Variants in ERO1A observed in about 807,000 individuals in gnomAD.
ERO1A encodes ERO1-like protein alpha.
Under a neutral mutation model 76.9 loss-of-function variants are expected in ERO1A, and 49 were observed. The ratio of observed to expected loss-of-function variants is 0.64; its 90% CI spans 0.51 to 0.81. The LOEUF (loss-of-function observed/expected upper bound fraction) is 0.81, where lower values mean the gene tolerates loss of function less well. ERO1A is among the 30% of genes least tolerant of loss of function. ERO1A has a pLI of 0.00. For synonymous variants in ERO1A, 174 were observed against 181.2 expected (o/e 0.96, Z 0.32); for missense variants, 448 against 542.1 (o/e 0.83, Z 1.72).
chr14:52,662,363 T>G (rs2040259058), intron 8 of ERO1A, among the ~76,000 whole-genome samples: 1 of 152,216 alleles, frequency 6.6e-6, no homozygotes, highest in Admixed American at 6.5e-5. Flanking sequence ...TTTAAAGATT[T>G]TTCATTCCTA....
At position 52,646,215 on chromosome 14, in the gene ERO1A, G is replaced by A. The variant is rs1472131472; in HGVS notation, c.1285C>T (p.Pro429Ser). ...CTGGTTAGATGGAATTCATAACTAG[G>A]TCCACTTTCTGGCATATTTGCTATC... Reference protein sequence around the residue: ...KLIANMPESGPSYEFHLTRQE... With the variant: ...KLIANMPESGSSYEFHLTRQE... Residue 429 changes from proline to serine, a missense_variant, in exon 15 of 16, where the codon CCT (proline) becomes TCT (serine). Around this residue, in one of 2 missense-constraint regions of ERO1A, gnomAD observed 302 missense variants for 411.9 expected, o/e 0.73. Transcript: ENST00000395686. The A allele has an allele frequency of 6.2e-7, 1 of 1,613,542 alleles. No homozygotes were observed. The highest frequency in any genetic ancestry group is 1.1e-5 in the South Asian group (1 of 91,014).
intron 15 of ERO1A, among the ~76,000 whole-genome samples, chr14:52,645,451 C>A (rs1055839786): frequency 6.6e-6 from 1 of 151,574 alleles, no homozygotes; most frequent in African/African-American, 2.4e-5. Flanking sequence ...CACAGGCATG[C>A]TCCACCATGC....
At chr14:52,682,885 G>A (rs2041046797) in intron 2 of ERO1A, among the ~76,000 whole-genome samples, 1 of 151,470 alleles carries the variant, frequency 6.6e-6, no homozygotes, top group Non-Finnish European at 1.5e-5. Flanking sequence ...GATGACAAGA[G>A]CAAGACTTTG....
chr14:52,660,910 C>T (rs571935442), intron 9 of ERO1A, among the ~76,000 whole-genome samples: 98 of 152,204 alleles, frequency 6.4e-4, no homozygotes, highest in Non-Finnish European at 1.2e-3. Context: ...TAGAAGCCAG[C>T]TCTGAAATCA....
chr14:52,655,902 AT>A (rs575955577), intron 11 of ERO1A, among the ~76,000 whole-genome samples: 186 of 152,284 alleles, frequency 1.2e-3, no homozygotes, highest in Non-Finnish European at 2.4e-3. Flanking sequence ...CAATAAATGT[AT>A]ATTTATTTTG....
rs1342567899 is a variant in ERO1A at position 52,640,617 on chromosome 14, A to G, written c.*2953T>C. The G allele has an allele frequency of 1.3e-5, 2 of 152,234 alleles. No homozygotes were observed. Among genetic ancestry groups the G allele is most frequent in the East Asian group, 1.9e-4 (1 of 5,198 alleles). 9.4% of individuals were successfully genotyped at this position (152,234 alleles called of 1,614,324 possible). On this transcript the variant is annotated 3_prime_UTR_variant, in exon 16 of 16. Transcript: ENST00000395686. ...AACATTGAGCAACAGAGAGGAGACC[A>G]GCTAGGTATAGGAGGCAGGTTAGTA... is the stretch of plus-strand genomic sequence containing the variant.
chr14:52,658,066 A>C, intron 10 of ERO1A, 57 bp from the exon 11 acceptor site: 4 of 1,503,106 alleles, frequency 2.7e-6, no homozygotes, highest in Non-Finnish European at 3.7e-6. Context: ...TGTAGACATA[A>C]AATTAATCTC....
chr14:52,661,761 T>A (rs567205230), intron 8 of ERO1A, among the ~76,000 whole-genome samples: 52 of 152,138 alleles, frequency 3.4e-4, no homozygotes, highest in Non-Finnish European at 6.6e-4. Context: ...TCGGGAATAT[T>A]TTCATAGACT....
At chr14:52,689,227 T>C (rs527341772) in intron 1 of ERO1A, among the ~76,000 whole-genome samples, 1 of 152,250 alleles carries the variant, frequency 6.6e-6, no homozygotes, top group Non-Finnish European at 1.5e-5. Context: ...GTGCTGGGAT[T>C]ACAGGCATGA....
At chr14:52,687,973 A>G (rs6572856) in intron 1 of ERO1A, among the ~76,000 whole-genome samples, 1 of 152,064 alleles carries the variant, frequency 6.6e-6, no homozygotes, top group Non-Finnish European at 1.5e-5. Flanking sequence ...GTTGCTTGAG[A>G]ACAGGAATTT....
chr14:52,642,987 C>T lies in ERO1A; in HGVS notation c.*583G>A, dbSNP rs745634490. 6.6e-6 allele frequency: 1 copy of T among 152,484 alleles called. No homozygotes were observed. Among genetic ancestry groups the T allele is most frequent in the Non-Finnish European group, 1.5e-5 (1 of 68,002 alleles). 9.4% of individuals were successfully genotyped at this position (152,484 alleles called of 1,614,324 possible). On this transcript the variant is annotated 3_prime_UTR_variant, in exon 16 of 16. Transcript: ENST00000395686. ...GGATTGCCAGATAAAATACAAGACTCCCAGTTAAATTTGAATTTCAAACAA... is the reference window on the plus strand; with the variant it reads ...GGATTGCCAGATAAAATACAAGACTTCCAGTTAAATTTGAATTTCAAACAA...
intron 15 of ERO1A, among the ~76,000 whole-genome samples, chr14:52,644,825 A>G (rs1254398713): frequency 1.3e-5 from 2 of 152,136 alleles, no homozygotes; most frequent in Non-Finnish European, 2.9e-5. Context: ...CTCGATCATG[A>G]AAAAAACAGA....
At chr14:52,668,247 A>C (rs1327825509) in intron 6 of ERO1A, among the ~76,000 whole-genome samples, 6 of 152,218 alleles carry the variant, frequency 3.9e-5, no homozygotes, top group Non-Finnish European at 7.3e-5. Context: ...CCTGATGTTT[A>C]AAATATATAA....
chr14:52,651,989 C>CTTT (rs78451217), intron 13 of ERO1A, among the ~76,000 whole-genome samples: 27 of 133,852 alleles, frequency 2.0e-4, no homozygotes, highest in African/African-American at 7.6e-4. Flanking sequence ...CTACTCTCTA[C>CTTT]TTTTTTTTTT....
chr14:52,672,795 A>C (rs2040651266), intron 4 of ERO1A, among the ~76,000 whole-genome samples: 1 of 145,946 alleles, frequency 6.9e-6, no homozygotes, highest in Non-Finnish European at 1.5e-5. Flanking sequence ...AAAAAAAAAC[A>C]AAAAACAAAC....
intron 1 of ERO1A, among the ~76,000 whole-genome samples, chr14:52,689,775 G>GA (rs887824004): frequency 5.3e-5 from 8 of 151,704 alleles, no homozygotes; most frequent in African/African-American, 1.5e-4. Flanking sequence ...CACAAAAATA[G>GA]AAAAAAAAAT....
rs1389674862 is a variant in ERO1A, at chr14:52,643,482, A to C, written c.*88T>G. 25 of 832,568 alleles carry C rather than the reference A, an allele frequency of 3.0e-5. No homozygotes were observed. Among genetic ancestry groups the C allele is most frequent in the Non-Finnish European group, 2.3e-5 (13 of 554,780 alleles). The allele number at this position is 832,568 out of a possible 1,614,324, so 51.6% of individuals were successfully genotyped here. A position where few individuals can be genotyped will look rare whatever the true frequency, so the allele number is the denominator to read the frequency against. On this transcript the variant is annotated 3_prime_UTR_variant, in exon 16 of 16. Transcript: ENST00000395686. ...CAACTTTATATAAAATGTTTGGCTT[A>C]AGACTGTCATTGCTATTATGCCTTT...
At position 52,642,411 on chromosome 14, in the gene ERO1A, A is replaced by G. The variant is rs1006468273; in HGVS notation, c.*1159T>C. 6.6e-6 allele frequency: 1 copy of G among 152,162 alleles called. No individual in the cohort carries two copies. Among genetic ancestry groups the G allele is most frequent in the Non-Finnish European group, 1.5e-5 (1 of 68,030 alleles). The allele number at this position is 152,162 out of a possible 1,614,324, so 9.4% of individuals were successfully genotyped here. On this transcript the variant is annotated 3_prime_UTR_variant, in exon 16 of 16. Coordinates refer to ENST00000395686, the MANE Select transcript of ERO1A (RefSeq NM_014584.3). ...AATAAATAGCCTACCCTATTACTAT[A>G]CACATCAAGCATAAAACGGGCAACA...
rs780807264 is a variant in ERO1A at position 52,671,653 on chromosome 14, G to A, written c.485C>T (p.Ser162Leu). 6.2e-7 allele frequency: 1 copy of A among 1,607,494 alleles called. No individual in the cohort carries two copies. The highest frequency in any genetic ancestry group is 1.1e-5 in the South Asian group (1 of 89,314). The change falls in exon 6 of 16, where the codon TCA (serine) becomes TTA (leucine). Residue 162 changes from serine to leucine, a missense_variant. Ser to Leu is a moderately radical substitution (Grantham distance 145). This residue lies in a region of ERO1A where 302 missense variants were observed against 411.9 expected (regional missense o/e 0.73). Transcript: ENST00000395686. ...VLQWTKHDDSSDNFCEADDIQ... is the reference protein window; with the variant it reads ...VLQWTKHDDSLDNFCEADDIQ... The stretch of plus-strand genomic sequence containing the variant: ...ACCATCAGCTTCACAGAAGTTATCT[G>A]AAGAATCATCATGCTTGGTCCACTG...
Sources: gnomAD v4.1 joint callset for allele counts (sites outside exome capture counted in the v4.1 genomes callset) on GRCh38, gnomAD v4.1.1 for gene constraint, gnomAD v4.1.1 regional missense constraint, MANE v1.5 for transcripts, NCBI Gene and HGNC (gene_info 2026-07-23, HGNC 2026-07-21) for gene names.